Variants in LRRC37A2 observed in about 807,000 individuals in gnomAD.
The protein encoded by LRRC37A2 is leucine-rich repeat-containing protein 37A2.
Under a neutral mutation model 68.8 loss-of-function variants are expected in LRRC37A2, and 9 were observed. The observed-to-expected ratio is 0.13, with a 90% CI of 0.08 to 0.23. LRRC37A2 has a LOEUF of 0.23. LRRC37A2 is among the 10% of genes least tolerant of loss of function. LRRC37A2 has a pLI of 1.00. For synonymous variants in LRRC37A2, 63 were observed against 367.6 expected (o/e 0.17, Z 9.48); for missense variants, 168 against 950.4 (o/e 0.18, Z 10.82).
At chr17:46,394,583 A>G in the LRRC37A2 span, among the ~76,000 whole-genome samples, 1 of 67,386 alleles carries the variant, frequency 1.5e-5, no homozygotes, top group African/African-American at 4.3e-5. Flanking sequence ...CAAAACCACA[A>G]TGAGAGATAA....
At chr17:46,753,203 A>G in the LRRC37A2 span, among the ~76,000 whole-genome samples, 4 of 152,244 alleles carry the variant, frequency 2.6e-5, no homozygotes, top group African/African-American at 9.6e-5. Flanking sequence ...GCTGTATTCT[A>G]GGCATCATGT....
At chr17:46,831,937 C>T in the LRRC37A2 span, among the ~76,000 whole-genome samples, 1 of 152,254 alleles carries the variant, frequency 6.6e-6, no homozygotes. Context: ...CAGGGCAGAC[C>T]AGGACACTGT....
At chr17:46,552,719 TA>T (rs2056902758) in intron 11 of LRRC37A2, 1 of 83,862 alleles carries the variant, frequency 1.2e-5, no homozygotes, top group South Asian at 4.8e-4. Context: ...AAAAAACCAA[TA>T]AAAATACAAA....
the LRRC37A2 span, among the ~76,000 whole-genome samples, chr17:46,892,979 C>T: frequency 2.0e-5 from 3 of 151,978 alleles, no homozygotes; most frequent in Admixed American, 2.0e-4. Context: ...CTCTGTTGCC[C>T]AGGCTGGAGT....
chr17:46,783,405 G>A, the LRRC37A2 span, among the ~76,000 whole-genome samples: 2 of 152,236 alleles, frequency 1.3e-5, no homozygotes, highest in African/African-American at 2.4e-5. Flanking sequence ...CAACACGCAC[G>A]AATTGAGTGA....
the LRRC37A2 span, among the ~76,000 whole-genome samples, chr17:46,742,466 T>G: frequency 1.3e-5 from 2 of 152,200 alleles, no homozygotes; most frequent in Non-Finnish European, 2.9e-5. Flanking sequence ...CAAACCGACT[T>G]AAGTCCTGTC....
At chr17:46,889,653 T>C in the LRRC37A2 span, among the ~76,000 whole-genome samples, 1 of 152,212 alleles carries the variant, frequency 6.6e-6, no homozygotes, top group Non-Finnish European at 1.5e-5. Flanking sequence ...CAACCCTGGA[T>C]GGAGGGGGTC....
At chr17:47,017,582 G>A in the LRRC37A2 span, 1 of 1,599,280 alleles carries the variant, frequency 6.3e-7, no homozygotes, top group South Asian at 1.1e-5. Context: ...TGGCTTCACA[G>A]CAGGATTTAA....
the LRRC37A2 span, among the ~76,000 whole-genome samples, chr17:46,817,210 G>T: frequency 1.3e-5 from 2 of 152,184 alleles, no homozygotes; most frequent in South Asian, 2.1e-4. Flanking sequence ...CCCAAGTCTC[G>T]CTGTCTCTGC....
At chr17:46,837,684 C>T in the LRRC37A2 span, among the ~76,000 whole-genome samples, 1 of 152,220 alleles carries the variant, frequency 6.6e-6, no homozygotes, top group African/African-American at 2.4e-5. Flanking sequence ...TGGTGATGCC[C>T]CTGCTGGGAA....
At chr17:46,891,931 T>C in the LRRC37A2 span, among the ~76,000 whole-genome samples, 1 of 143,384 alleles carries the variant, frequency 7.0e-6, no homozygotes, top group Admixed American at 6.9e-5. Context: ...TTTTTTTTTT[T>C]TTTTTTGAGA....
At chr17:46,851,326 G>A in the LRRC37A2 span, among the ~76,000 whole-genome samples, 1 of 151,720 alleles carries the variant, frequency 6.6e-6, no homozygotes, top group African/African-American at 2.4e-5. This position sits in a 1 kb window ranked among gnomAD's most constrained non-coding sequence, Gnocchi z 4.3. Flanking sequence ...GGGGCTTCAC[G>A]TTCAGCCACC....
At chr17:46,722,604 T>G in the LRRC37A2 span, among the ~76,000 whole-genome samples, 3 of 152,148 alleles carry the variant, frequency 2.0e-5, no homozygotes, top group Non-Finnish European at 2.9e-5. Context: ...GAGTATCTTC[T>G]TAGTGAGAAT....
chr17:47,000,063 T>TAAAATAAAATAAAATATAAAATAAAATA, the LRRC37A2 span, among the ~76,000 whole-genome samples: 5 of 17,724 alleles, frequency 2.8e-4, 1 homozygote, highest in East Asian at 5.5e-3. Context: ...TAAAATAAAA[T>TAAAATAAAATAAAATATAAAATAAAATA]TAAAATAAAA....
chr17:46,747,282 T>C, the LRRC37A2 span, among the ~76,000 whole-genome samples: 1 of 152,180 alleles, frequency 6.6e-6, no homozygotes, highest in Non-Finnish European at 1.5e-5. Context: ...TCTATAATAT[T>C]CACAAGTTTG....
chr17:46,779,586 G>C, the LRRC37A2 span, among the ~76,000 whole-genome samples: 1 of 152,146 alleles, frequency 6.6e-6, no homozygotes, highest in African/African-American at 2.4e-5. Flanking sequence ...TGGAAACTTT[G>C]GTGTTGACCC....
chr17:46,907,674 C>CAA, the LRRC37A2 span, among the ~76,000 whole-genome samples: 336 of 40,052 alleles, frequency 8.4e-3, 8 homozygotes, highest in African/African-American at 0.011. Context: ...TCCATCTCTA[C>CAA]AAAAAAAAAA....
the LRRC37A2 span, chr17:46,978,393 C>CAAA: frequency 0.052 from 21,888 of 417,716 alleles, 229 homozygotes; most frequent in African/African-American, 0.087. Flanking sequence ...AACAAACAAA[C>CAAA]AAAAAAAACT....
the LRRC37A2 span, among the ~76,000 whole-genome samples, chr17:46,688,302 G>A: frequency 6.6e-6 from 1 of 150,668 alleles, no homozygotes; most frequent in Non-Finnish European, 1.5e-5. Flanking sequence ...CTTAAGTCTA[G>A]GAGTTCAAGA....
Sources: allele counts gnomAD v4.1 joint callset (sites outside exome capture counted in the v4.1 genomes callset), GRCh38; gene constraint gnomAD v4.1.1; non-coding constraint Gnocchi (gnomAD v3.1); transcripts MANE v1.5; gene names NCBI Gene and HGNC (gene_info 2026-07-23, HGNC 2026-07-21).